The following RP1 variants were observed in gnomAD, a reference collection of about 807,000 sequenced individuals.
RP1 encodes RP1 axonemal microtubule associated.
In RP1, 16 loss-of-function variants were observed where a neutral mutation model predicts 14.8. The observed-to-expected ratio is 1.08, with a 90% CI of 0.73 to 1.65. The LOEUF (loss-of-function observed/expected upper bound fraction) is 1.65, where lower values mean the gene tolerates loss of function less well. Among genes scored for constraint, RP1 ranks in the 40% most tolerant of loss-of-function variants. The pLI, the probability that RP1 is intolerant of heterozygous loss-of-function variation, is 0.00. For synonymous variants in RP1, 876 were observed against 883.6 expected (o/e 0.99, Z 0.15); for missense variants, 2,631 against 2,535.0 (o/e 1.04, Z -0.81).
intron 16 of RP1, among the ~76,000 whole-genome samples, chr8:54,720,978 C>T (rs78627941): frequency 2.0e-5 from 3 of 152,198 alleles, no homozygotes; most frequent in East Asian, 1.9e-4. Flanking sequence ...TGATATGGTT[C>T]CCTGAATTTT....
intron 25 of RP1, among the ~76,000 whole-genome samples, chr8:54,847,862 C>T (rs1000035548): frequency 1.3e-5 from 2 of 152,194 alleles, no homozygotes; most frequent in Non-Finnish European, 2.9e-5. Flanking sequence ...GGCTAGTCCC[C>T]GGAGCAGTGC....
chr8:54,754,879 A>T (rs1299800421), exon 20 of RP1: 3 of 1,528,088 alleles, frequency 2.0e-6, no homozygotes, highest in Non-Finnish European at 2.6e-6. Context: ...ATTCAGGCAG[A>T]TGGGGATGTT....
At chr8:54,604,270 G>T (rs549956380) in intron 1 of RP1, among the ~76,000 whole-genome samples, 49 of 152,206 alleles carry the variant, frequency 3.2e-4, no homozygotes, top group African/African-American at 1.1e-3. Context: ...TTTGTCAAAG[G>T]CCTTTTCTGC....
intron 3 of RP1, among the ~76,000 whole-genome samples, chr8:54,641,703 G>A (rs1383448207): frequency 6.6e-6 from 1 of 152,066 alleles, no homozygotes; most frequent in African/African-American, 2.4e-5. Context: ...ATGCAAAAGA[G>A]GTAATTTTGT....
Position 54,627,880 on chromosome 8 carries a change from A to G in RP1, c.3998A>G (p.Tyr1333Cys). The change falls in exon 4 of 4, where the codon TAC becomes TGC. Residue 1333 changes from tyrosine to cysteine, a missense_variant. By Grantham distance (194) the Tyr-to-Cys change is radical (BLOSUM62 -2). Coordinates refer to ENST00000220676, the MANE Select transcript of RP1 (RefSeq NM_006269.2). ...YEGACPIDETYVPVNVCNTID... is the reference protein window; with the variant it reads ...YEGACPIDETCVPVNVCNTID... ...GGAGCTTGCCCAATTGATGAGACCT[A>G]CGTTCCTGTCAATGTCTGCAATACC... is the stretch of plus-strand genomic sequence containing the variant. 1 of 1,614,166 alleles carries G rather than the reference A, an allele frequency of 6.2e-7. No individual in the cohort carries two copies. Among genetic ancestry groups the G allele is most frequent in the Non-Finnish European group, 8.5e-7 (1 of 1,179,978 alleles).
At position 54,762,280 on chromosome 8, in the gene RP1, C is replaced by T. The variant is rs574751690; in HGVS notation, c.3248+3204C>T. Among the ~76,000 whole-genome samples, 20 of 152,216 alleles carry T rather than the reference C, an allele frequency of 1.3e-4. No individual in the cohort carries two copies. The South Asian group carries it at 3.1e-3, about 24-fold the overall frequency. On this transcript the variant is annotated intron_variant, in intron 22 of 22. Coordinates refer to the RP1 transcript ENST00000636932. ...GAATTAGGGCAGAGAAAAAGACCAC[C>T]GAGTGCTTGTCCCTTTTTGTGGGCT...
Position 54,624,768 on chromosome 8 carries a change from C to G in RP1, c.886C>G (p.Pro296Ala). The G allele has an allele frequency of 3.7e-6, 6 of 1,613,772 alleles. No individual in the cohort carries two copies. The highest frequency in any genetic ancestry group is 1.3e-5 in the African/African-American group (1 of 75,002). The change falls in exon 4 of 4, where the codon CCT becomes GCT. Residue 296 changes from proline (P) to alanine (A), a missense_variant. By Grantham distance (27) the Pro-to-Ala change is conservative (BLOSUM62 -1). Transcript: ENST00000220676. ...NDCYLDYSFV[P>A]EKYLALEKND... The stretch of plus-strand genomic sequence containing the variant: ...TTGCTACTTAGACTATTCTTTTGTT[C>G]CTGAAAAGTACTTGGCCTTAGAAAA...
chr8:54,637,101 T>C (rs1041622867), intron 3 of RP1, among the ~76,000 whole-genome samples: 3 of 152,146 alleles, frequency 2.0e-5, no homozygotes, highest in Admixed American at 2.0e-4. Flanking sequence ...CTTCAGCAGG[T>C]TGATGTTGAG....
chr8:54,818,647 G>A (rs77683502), intron 24 of RP1, among the ~76,000 whole-genome samples: 206 of 152,318 alleles, frequency 1.4e-3, no homozygotes, highest in African/African-American at 4.8e-3. Flanking sequence ...GTGTCAGAGT[G>A]TCCTTGCCTT....
intron 24 of RP1, among the ~76,000 whole-genome samples, chr8:54,829,170 A>G (rs1811461012): frequency 6.6e-6 from 1 of 152,048 alleles, no homozygotes; most frequent in East Asian, 1.9e-4. Context: ...GCAGTCCATC[A>G]TTGACCCAAA....
intron 25 of RP1, among the ~76,000 whole-genome samples, chr8:54,841,366 G>A (rs796558918): frequency 2.0e-5 from 3 of 152,296 alleles, no homozygotes; most frequent in African/African-American, 7.2e-5. Context: ...TGCCATGCTG[G>A]TAAAGTCCTA....
At chr8:54,612,546 G>A (rs1006817030), upstream of RP1, among the ~76,000 whole-genome samples, 6 of 152,190 alleles carry the variant, frequency 3.9e-5, no homozygotes, top group African/African-American at 1.4e-4. Flanking sequence ...GTGGGGAGAT[G>A]AGTTCCTGGC....
chr8:54,662,514 C>T (rs570946434), intron 6 of RP1, among the ~76,000 whole-genome samples: 1 of 152,246 alleles, frequency 6.6e-6, no homozygotes, highest in Non-Finnish European at 1.5e-5. Context: ...ATGTTGGCTC[C>T]AATGTGCTCT....
intron 12 of RP1, among the ~76,000 whole-genome samples, chr8:54,691,438 G>A (rs1807705751): frequency 6.6e-6 from 1 of 152,070 alleles, no homozygotes; most frequent in African/African-American, 2.4e-5. Flanking sequence ...AGCTAGGAAT[G>A]TGTGGAAAAT....
At chr8:54,720,096 C>A in intron 15 of RP1, 1 of 1,426,016 alleles carries the variant, frequency 7.0e-7, no homozygotes, top group South Asian at 1.4e-5. Context: ...AGGACTTGCT[C>A]ACATTTATTG....
chr8:54,673,741 A>AAAC (rs4014240), intron 7 of RP1: 159,441 of 812,000 alleles, frequency 0.2, 12,819 homozygotes, highest in East Asian at 0.33. Flanking sequence ...GCCTGTCTCA[A>AAAC]AACAACAACA....
intron 24 of RP1, among the ~76,000 whole-genome samples, chr8:54,829,428 C>T (rs973962083): frequency 9.2e-5 from 14 of 152,058 alleles, no homozygotes; most frequent in African/African-American, 2.9e-4. Flanking sequence ...AAAATAAAAG[C>T]ATCCATTATA....
chr8:54,610,453 C>A (rs948898844), intron 1 of RP1, among the ~76,000 whole-genome samples: 3 of 152,186 alleles, frequency 2.0e-5, no homozygotes, highest in Non-Finnish European at 4.4e-5. Flanking sequence ...TATATCAGTG[C>A]ATCACGTTTA....
At chr8:54,792,042 G>C (rs1312916019) in intron 24 of RP1, among the ~76,000 whole-genome samples, 5 of 151,914 alleles carry the variant, frequency 3.3e-5, no homozygotes, top group Admixed American at 6.6e-5. Flanking sequence ...AATCAAATGT[G>C]GGCACGAGTG....
Sources: allele counts gnomAD v4.1 joint callset (sites outside exome capture counted in the v4.1 genomes callset), GRCh38; gene constraint gnomAD v4.1.1; transcripts MANE v1.5; gene names NCBI Gene and HGNC (gene_info 2026-07-23, HGNC 2026-07-21).